VPS13B: variants seen among roughly 807,000 people sequenced by gnomAD.
The protein encoded by VPS13B is intermembrane lipid transfer protein VPS13B.
In VPS13B, 285 loss-of-function variants were observed where a neutral mutation model predicts 426.4. The ratio of observed to expected loss-of-function variants is 0.67; its 90% CI spans 0.61 to 0.74. The LOEUF (loss-of-function observed/expected upper bound fraction) is 0.74. VPS13B is among the 30% of genes least tolerant of loss of function. The pLI, the probability that VPS13B is intolerant of heterozygous loss-of-function variation, is 0.00. For missense variants in VPS13B, 4,537 were observed against 4,782.6 expected (o/e 0.95, Z 1.51); for synonymous variants, 1,676 against 1,676.4 (o/e 1.00, Z 0.01).
At chr8:99,779,534 T>C (rs77520194) in intron 42 of VPS13B, among the ~76,000 whole-genome samples, 3,236 of 152,308 alleles carry the variant, frequency 0.021, 46 homozygotes, top group Non-Finnish European at 0.034. Flanking sequence ...ACTTTTTGAT[T>C]CACTAAAAAG....
At chr8:99,728,865 G>A (rs1210794138) in intron 39 of VPS13B, among the ~76,000 whole-genome samples, 1 of 152,204 alleles carries the variant, frequency 6.6e-6, no homozygotes, top group African/African-American at 2.4e-5. Context: ...TGGAAGAACT[G>A]GGGCCAGGAA....
chr8:99,868,570 G>A, intron 59 of VPS13B, 105 bp downstream of exon 59: 3 of 1,358,566 alleles, frequency 2.2e-6, no homozygotes, highest in Non-Finnish European at 3.1e-6. Context: ...GCAGACAGTG[G>A]CTATCTTTCT....
In VPS13B at chr8:99,431,548, T is replaced by C. The variant is rs373538168; in HGVS notation, c.3094T>C (p.Leu1032=). 26 of 1,613,466 alleles carry C rather than the reference T, an allele frequency of 1.6e-5. No individual in the cohort carries two copies. The highest frequency in any genetic ancestry group is 2.0e-5 in the Non-Finnish European group (24 of 1,179,734). ...ATTCTCGTACTCAGAATCCCGCCCA[T>C]TGTCAGTTCCTGTTAAAGCCATGTT... The part of the protein sequence containing the change: ...KTKTVTESRP[L]SVPVKAMLNI... The change falls in exon 22 of 62, where the codon TTG becomes CTG. Residue 1032 remains leucine (L), a synonymous_variant. Coordinates refer to ENST00000357162, the MANE Select transcript of VPS13B (RefSeq NM_152564.5).
chr8:99,791,486 A>G (rs1265001190), intron 43 of VPS13B, among the ~76,000 whole-genome samples: 3 of 152,118 alleles, frequency 2.0e-5, no homozygotes, highest in Non-Finnish European at 4.4e-5. Flanking sequence ...GAGTTTAAGT[A>G]GAGGAATGCC....
intron 17 of VPS13B, among the ~76,000 whole-genome samples, chr8:99,229,654 C>A (rs1013497737): frequency 2.0e-5 from 3 of 151,936 alleles, no homozygotes; most frequent in Non-Finnish European, 4.4e-5. Flanking sequence ...AGGACCGTTA[C>A]GGGCAAAACC....
At chr8:99,024,178 C>G (rs75832774) in intron 2 of VPS13B, among the ~76,000 whole-genome samples, 1 of 152,134 alleles carries the variant, frequency 6.6e-6, no homozygotes, top group Non-Finnish European at 1.5e-5. Flanking sequence ...TTTTCATATA[C>G]CTGTTGGCCA....
intron 44 of VPS13B, among the ~76,000 whole-genome samples, chr8:99,813,521 T>C (rs1379743075): frequency 6.6e-6 from 1 of 152,244 alleles, no homozygotes; most frequent in Non-Finnish European, 1.5e-5. Flanking sequence ...ATAAGACTTA[T>C]CATGAGTGTC....
chr8:99,480,114 C>T (rs1222976461), intron 24 of VPS13B, among the ~76,000 whole-genome samples: 1 of 152,152 alleles, frequency 6.6e-6, no homozygotes, highest in Non-Finnish European at 1.5e-5. Context: ...TGTGGCTTTA[C>T]TTGGCATAGT....
At chr8:99,261,110 G>T (rs1818017130) in intron 17 of VPS13B, among the ~76,000 whole-genome samples, 1 of 151,856 alleles carries the variant, frequency 6.6e-6, no homozygotes, top group Non-Finnish European at 1.5e-5. Context: ...TTACCTTCAT[G>T]AACCTACACT....
intron 35 of VPS13B, among the ~76,000 whole-genome samples, chr8:99,690,539 CAATATTTGCAAAGTATAT>C (rs1210070232): frequency 1.3e-5 from 2 of 151,990 alleles, no homozygotes; most frequent in Non-Finnish European, 2.9e-5. Context: ...ATATCTGATA[CAATATTTGCAAAGTATAT>C]ATCTGATATG....
chr8:99,835,144 G>C (rs1213263193), intron 52 of VPS13B, 53 bp from the exon 53 acceptor site: 4 of 1,611,142 alleles, frequency 2.5e-6, no homozygotes, highest in African/African-American at 1.3e-5. Flanking sequence ...AGAGGAGAGA[G>C]CATTCATTTT....
chr8:99,084,308 A>G (rs1845647829), intron 3 of VPS13B, among the ~76,000 whole-genome samples: 1 of 152,046 alleles, frequency 6.6e-6, no homozygotes, highest in African/African-American at 2.4e-5. Flanking sequence ...TATCCCCTTT[A>G]TCATATTTTA....
intron 13 of VPS13B, among the ~76,000 whole-genome samples, chr8:99,145,141 T>G (rs1163264736): frequency 6.6e-6 from 1 of 152,196 alleles, no homozygotes; most frequent in African/African-American, 2.4e-5. Context: ...ATCAATCACC[T>G]TGTTGGGTTT....
In VPS13B at chr8:99,854,079, G is replaced by A. The variant is rs761285530; in HGVS notation, c.10690G>A (p.Val3564Met). The A allele has an allele frequency of 6.2e-7, 1 of 1,613,196 alleles. No homozygotes were observed. Among genetic ancestry groups the A allele is most frequent in the Non-Finnish European group, 8.5e-7 (1 of 1,179,372 alleles). Residue 3564 changes from valine to methionine, a missense_variant, in exon 56 of 62, where the codon GTG becomes ATG. Val to Met is a conservative substitution (Grantham distance 21). Around this residue, in one of 2 missense-constraint regions of VPS13B, gnomAD observed 4,311 missense variants for 4,474.3 expected, o/e 0.96. Coordinates refer to ENST00000357162, the MANE Select transcript of VPS13B (RefSeq NM_152564.5). ...LVNPVKLRKL[V>M]IQPVNLLVSI... ...GAATCCTGTGAAGTTACGGAAACTG[G>A]TGATCCAGCCAGTAAATTTGCTCGT...
chr8:99,259,382 G>A (rs1339632626), intron 17 of VPS13B, among the ~76,000 whole-genome samples: 1 of 152,072 alleles, frequency 6.6e-6, no homozygotes, highest in Non-Finnish European at 1.5e-5. Context: ...GTTGGAAGTA[G>A]GCACTGATGC....
intron 17 of VPS13B, among the ~76,000 whole-genome samples, chr8:99,202,208 A>C (rs1814372170): frequency 6.6e-6 from 1 of 152,236 alleles, no homozygotes; most frequent in Non-Finnish European, 1.5e-5. Context: ...CCAAGAAAGA[A>C]AATAGGATAA....
At chr8:99,336,033 C>T (rs1273913599) in intron 19 of VPS13B, among the ~76,000 whole-genome samples, 5 of 152,060 alleles carry the variant, frequency 3.3e-5, no homozygotes, top group African/African-American at 4.8e-5. Context: ...TCATATGGCA[C>T]CAAAAAAGAG....
At chr8:99,170,450 A>G (rs2132664379) in intron 16 of VPS13B, among the ~76,000 whole-genome samples, 1 of 151,988 alleles carries the variant, frequency 6.6e-6, no homozygotes, top group South Asian at 2.1e-4. Flanking sequence ...GAACTGTAAG[A>G]GGAAGTGCCT....
At chr8:99,659,510 T>C (rs1830143373) in intron 34 of VPS13B, among the ~76,000 whole-genome samples, 1 of 152,218 alleles carries the variant, frequency 6.6e-6, no homozygotes, top group Admixed American at 6.5e-5. Flanking sequence ...GTTATTATTG[T>C]TGATATACAA....
Sources: allele counts gnomAD v4.1 joint callset (sites outside exome capture counted in the v4.1 genomes callset), GRCh38; gene constraint gnomAD v4.1.1; regional missense constraint gnomAD v4.1.1; transcripts MANE v1.5; gene names NCBI Gene and HGNC (gene_info 2026-07-23, HGNC 2026-07-21).